Variants in UBE2D2 observed in about 807,000 individuals in gnomAD.
The protein encoded by UBE2D2 is ubiquitin conjugating enzyme E2 D2, also known as ubiquitin-conjugating enzyme E2 D2.
Under a neutral mutation model 24.2 loss-of-function variants are expected in UBE2D2, and 2 were observed. The observed-to-expected ratio is 0.08, with a 90% CI of 0.03 to 0.26. The LOEUF is 0.26. Among genes scored for constraint, UBE2D2 ranks in the 10% least tolerant of loss-of-function variants. UBE2D2 has a pLI of 1.00. For synonymous variants in UBE2D2, 58 were observed against 56.5 expected (o/e 1.03, Z -0.12); for missense variants, 44 against 177.6 (o/e 0.25, Z 4.28).
intron 1 of UBE2D2, among the ~76,000 whole-genome samples, chr5:139,569,007 C>A (rs1010398257): frequency 2.0e-5 from 3 of 151,892 alleles, no homozygotes; most frequent in Non-Finnish European, 4.4e-5. Flanking sequence ...AGGTGTGGTA[C>A]CATATATTAG....
At chr5:139,561,191 G>C (rs1753071304), upstream of UBE2D2, 1 of 152,666 alleles carries the variant, frequency 6.6e-6, no homozygotes, top group Non-Finnish European at 1.5e-5. Flanking sequence ...GCCCTCCGGG[G>C]CCGTGGCGGC....
At chr5:139,532,830 G>A (rs1752613655) in intron 1 of UBE2D2, among the ~76,000 whole-genome samples, 1 of 152,092 alleles carries the variant, frequency 6.6e-6, no homozygotes, top group African/African-American at 2.4e-5. Context: ...ACCTCAGCCA[G>A]GCACGGTGGC....
At chr5:139,593,133 C>CTA in intron 1 of UBE2D2, among the ~76,000 whole-genome samples, 1 of 151,382 alleles carries the variant, frequency 6.6e-6, no homozygotes, top group Non-Finnish European at 1.5e-5. Context: ...GTAGCTGGGA[C>CTA]TACAGGCAAG....
rs1455160567 is a variant in UBE2D2 at position 139,550,073 on chromosome 5, C to G, written c.-64+23461C>G. On this transcript the variant is annotated intron_variant, in intron 1 of 6. Transcript: ENST00000511725. ...GTTTGTAAATGCACCAATCAGTGCTCTGTGTCTAATCTAGTGGGGACTTGG... is the reference window on the plus strand; with the variant it reads ...GTTTGTAAATGCACCAATCAGTGCTGTGTGTCTAATCTAGTGGGGACTTGG... Among the ~76,000 whole-genome samples, 5 of 151,706 alleles carry G rather than the reference C, an allele frequency of 3.3e-5. No homozygotes were observed. The East Asian group carries it at 9.7e-4, about 29-fold the overall frequency.
At position 139,532,188 on chromosome 5, in the gene UBE2D2, T is replaced by TTTG. The variant is rs372413498; in HGVS notation, c.-64+5576_-64+5577insTTG. The stretch of plus-strand genomic sequence containing the variant: ...ATTTATTCTACTTTTTTTTTTTTTT[T>TTTG]GGGGGGGACAGAGTCTTGCTCTGTT... On this transcript the variant is annotated intron_variant, in intron 1 of 6. Coordinates refer to the UBE2D2 transcript ENST00000511725. Among the ~76,000 whole-genome samples the TTTG allele has an allele frequency of 4.5e-4, 68 of 150,074 alleles. 1 individual carries two copies. In the East Asian group the frequency reaches 4.7e-3, roughly 10 times the overall value.
rs1024187024 is a variant in UBE2D2, at chr5:139,561,446, C to T, written c.-346C>T. On this transcript the variant is annotated 5_prime_UTR_variant, in exon 1 of 7. Coordinates refer to ENST00000398733, the MANE Select transcript of UBE2D2 (RefSeq NM_003339.3). ...GGCTGTCCGACCAAGAGAGGCCGGC[C>T]GAGCCCGAGGCTTGGGCTTTTGCTT... 2.5e-5 allele frequency: 7 copies of T among 278,948 alleles called. No individual in the cohort carries two copies. Among genetic ancestry groups the T allele is most frequent in the East Asian group, 6.1e-5 (1 of 16,426 alleles). 17.3% of individuals were successfully genotyped at this position (278,948 alleles called of 1,614,324 possible).
intron 1 of UBE2D2, among the ~76,000 whole-genome samples, chr5:139,594,753 G>T (rs1290382725): frequency 2.6e-5 from 4 of 152,026 alleles, no homozygotes; most frequent in African/African-American, 7.2e-5. Flanking sequence ...TACTTTAACT[G>T]TCAAAGTTCC....
Position 139,626,773 on chromosome 5 carries a change from G to T in UBE2D2, c.416G>T (p.Arg139Leu). The change falls in exon 7 of 7, where the codon CGG (arginine) becomes CTG (leucine). Residue 139 changes from arginine (R) to leucine (L), a missense_variant. Physicochemically the swap from Arg to Leu is moderately radical, Grantham distance 102. This residue lies in a region of UBE2D2 where 21 missense variants were observed against 35.7 expected (regional missense o/e 0.59). Coordinates refer to ENST00000398733, the MANE Select transcript of UBE2D2 (RefSeq NM_003339.3). ...GTGTACAGGTACAACAGAATAGCTC[G>T]GGAATGGACTCAGAAGTATGCGATG... ...TDREKYNRIA[R>L]EWTQKYAM 1 of 1,613,892 alleles carries T rather than the reference G, an allele frequency of 6.2e-7. No individual in the cohort carries two copies. The highest frequency in any genetic ancestry group is 8.5e-7 in the Non-Finnish European group (1 of 1,179,922).
intron 1 of UBE2D2, among the ~76,000 whole-genome samples, chr5:139,552,114 C>G (rs567294606): frequency 2.2e-4 from 33 of 152,072 alleles, no homozygotes; most frequent in African/African-American, 7.5e-4. Context: ...CAAAGCTTAC[C>G]TTTCCAAATA....
chr5:139,545,551 G>A (rs1486273381), intron 1 of UBE2D2, among the ~76,000 whole-genome samples: 3 of 151,060 alleles, frequency 2.0e-5, no homozygotes, highest in Non-Finnish European at 4.4e-5. Flanking sequence ...TCAGCCTCCC[G>A]AGTAGCTGGG....
intron 1 of UBE2D2, among the ~76,000 whole-genome samples, chr5:139,533,266 C>T (rs919380163): frequency 6.6e-6 from 1 of 151,798 alleles, no homozygotes; most frequent in Non-Finnish European, 1.5e-5. Context: ...TCACTACAAC[C>T]TCTGTGTTGA....
rs200753289 is a variant in UBE2D2 at position 139,540,277 on chromosome 5, ACT to A, written c.-64+13670_-64+13671del. ...GAAAATGGATGAAGGGAACACTGGA[ACT>A]CTCTGTACTATTTTTGCTAGTTCCA... is the stretch of plus-strand genomic sequence containing the variant. On this transcript the variant is annotated intron_variant, in intron 1 of 6. Transcript: ENST00000511725. Among the ~76,000 whole-genome samples, 1,179 of 152,200 alleles carry A rather than the reference ACT, an allele frequency of 7.7e-3. 9 individuals are homozygous for A. Among genetic ancestry groups the A allele is most frequent in the Middle Eastern group, 0.041 (12 of 294 alleles).
At chr5:139,528,434 T>C (rs1644865667) in intron 1 of UBE2D2, among the ~76,000 whole-genome samples, 3 of 151,846 alleles carry the variant, frequency 2.0e-5, no homozygotes, top group Non-Finnish European at 4.4e-5. Flanking sequence ...AGAGAAAAAA[T>C]GGCAGTTGGA....
At chr5:139,597,609 A>T (rs1280453100) in intron 1 of UBE2D2, among the ~76,000 whole-genome samples, 3 of 152,238 alleles carry the variant, frequency 2.0e-5, no homozygotes, top group Non-Finnish European at 4.4e-5. Context: ...GTAAAATTCC[A>T]CTTAATGAAC....
chr5:139,625,655 A>G lies in UBE2D2; in HGVS notation c.399-1101A>G, dbSNP rs796994128. Among the ~76,000 whole-genome samples the G allele has an allele frequency of 2.6e-4, 39 of 151,452 alleles. 1 individual carries two copies. Among genetic ancestry groups the G allele is most frequent in the African/African-American group, 9.0e-4 (37 of 41,238 alleles). ...GAGTCTTGCTCCGTTGCCCAGGTGGAATGCAGTGGCACAATCTTGGCTCAC... is the reference window on the plus strand; with the variant it reads ...GAGTCTTGCTCCGTTGCCCAGGTGGGATGCAGTGGCACAATCTTGGCTCAC... On this transcript the variant is annotated intron_variant, in intron 6 of 6. Transcript: ENST00000398733.
chr5:139,596,170 G>A (rs1753956172), intron 1 of UBE2D2, among the ~76,000 whole-genome samples: 1 of 151,830 alleles, frequency 6.6e-6, no homozygotes, highest in South Asian at 2.1e-4. Context: ...GGGATTACAG[G>A]TATGAGCCCC....
chr5:139,605,591 CAAAAAAAAAAAAAAAAAA>C (rs70988710), intron 2 of UBE2D2, among the ~76,000 whole-genome samples: 3 of 44,710 alleles, frequency 6.7e-5, no homozygotes, highest in South Asian at 1.9e-3. Context: ...GACTCTGTCT[CAAAAAAAAAAAAAAAAAA>C]AAAAAGAAAA....
In UBE2D2 at chr5:139,571,420, A is replaced by C. The variant is rs868366883; in HGVS notation, c.24+9605A>C. The stretch of plus-strand genomic sequence containing the variant: ...AGACTCCCTCTCAAAAAAAAAAAAA[A>C]AAACAAACACAGATTTCAGCTATCC... On this transcript the variant is annotated intron_variant, in intron 1 of 6. Coordinates refer to ENST00000398733, the MANE Select transcript of UBE2D2 (RefSeq NM_003339.3). Among the ~76,000 whole-genome samples the C allele has an allele frequency of 5.6e-4, 85 of 152,072 alleles. No homozygotes were observed. The Middle Eastern group carries it at 0.01, about 18-fold the overall frequency.
intron 1 of UBE2D2, among the ~76,000 whole-genome samples, chr5:139,534,341 C>T (rs1170720089): frequency 6.6e-6 from 1 of 151,766 alleles, no homozygotes; most frequent in Non-Finnish European, 1.5e-5. Context: ...CTGAGGCAGG[C>T]TGATCACGAG....
Sources: allele counts gnomAD v4.1 joint callset (sites outside exome capture counted in the v4.1 genomes callset), GRCh38; gene constraint gnomAD v4.1.1; regional missense constraint gnomAD v4.1.1; transcripts MANE v1.5; gene names NCBI Gene and HGNC (gene_info 2026-07-23, HGNC 2026-07-21).